Variants in HDAC9 observed in about 807,000 individuals in gnomAD.
The protein encoded by HDAC9 is MEF-2 interacting transcription repressor (MITR) protein.
In HDAC9, 41 loss-of-function variants were observed where a neutral mutation model predicts 139.4. That is an observed-to-expected ratio of 0.29 (90% CI 0.23 to 0.38). The LOEUF (loss-of-function observed/expected upper bound fraction) is 0.38. Among genes scored for constraint, HDAC9 ranks in the 10% least tolerant of loss-of-function variants. The pLI, the probability that HDAC9 is intolerant of heterozygous loss-of-function variation, is 1.00. For missense variants in HDAC9, 1,147 were observed against 1,297.0 expected, an observed-to-expected ratio of 0.88 and a Z score of 1.78; for synonymous variants, 517 against 476.2, an observed-to-expected ratio of 1.09 and a Z score of -1.12.
chr7:18,534,379 AAAC>A (rs576766281), intron 2 of HDAC9, among the ~76,000 whole-genome samples: 2 of 152,000 alleles, frequency 1.3e-5, no homozygotes, highest in South Asian at 2.1e-4. Context: ...TGTTTCTACA[AAAC>A]AACAACAACA....
At chr7:18,581,802 T>A (rs1827913997) in intron 2 of HDAC9, among the ~76,000 whole-genome samples, 1 of 152,206 alleles carries the variant, frequency 6.6e-6, no homozygotes. Context: ...GGTGCTACAA[T>A]TAAGAGATCT....
chr7:18,488,227 A>T (rs1010112052), intron 1 of HDAC9, among the ~76,000 whole-genome samples: 2 of 151,950 alleles, frequency 1.3e-5, no homozygotes, highest in South Asian at 4.1e-4. Flanking sequence ...TCAACATAGG[A>T]TGGGTTAGTC....
At chr7:18,876,456 C>G (rs1014009385) in intron 22 of HDAC9, among the ~76,000 whole-genome samples, 1 of 151,946 alleles carries the variant, frequency 6.6e-6, no homozygotes, top group African/African-American at 2.4e-5. Context: ...TTACCTTTTG[C>G]GTATTTGCAG....
chr7:18,561,661 A>T (rs1820650869), intron 2 of HDAC9, among the ~76,000 whole-genome samples: 1 of 151,792 alleles, frequency 6.6e-6, no homozygotes, highest in African/African-American at 2.4e-5. Flanking sequence ...AAATGTGCCC[A>T]TTTTTTGGAC....
At chr7:18,158,941 C>T (rs1787423813) in intron 1 of HDAC9, among the ~76,000 whole-genome samples, 1 of 152,192 alleles carries the variant, frequency 6.6e-6, no homozygotes, top group Non-Finnish European at 1.5e-5. Flanking sequence ...AACGTACTTT[C>T]AGAGAGCTGA....
At chr7:18,296,001 C>T (rs982714173) in intron 1 of HDAC9, among the ~76,000 whole-genome samples, 12 of 152,158 alleles carry the variant, frequency 7.9e-5, no homozygotes, top group Non-Finnish European at 1.6e-4. Context: ...TAGAATTTTT[C>T]TGCAGGAGAG....
chr7:18,930,516 G>GA (rs986630043), intron 22 of HDAC9, among the ~76,000 whole-genome samples: 9 of 151,942 alleles, frequency 5.9e-5, no homozygotes, highest in African/African-American at 2.2e-4. Flanking sequence ...AATATGTCCT[G>GA]AAAAATAATA....
chr7:18,477,751 A>T (rs1795227408), intron 1 of HDAC9, among the ~76,000 whole-genome samples: 1 of 152,178 alleles, frequency 6.6e-6, no homozygotes, highest in African/African-American at 2.4e-5. Flanking sequence ...TATTTATCAC[A>T]TGCGTTCATG....
rs192997979 is a variant in HDAC9 at position 18,087,579 on chromosome 7, G to A, written c.-97+366G>A. Among the ~76,000 whole-genome samples the A allele has an allele frequency of 2.6e-5, 4 of 152,250 alleles. No homozygotes were observed. The East Asian group carries it at 7.7e-4, about 29-fold the overall frequency. ...TGTACTGGCAACGTGTTGCTTGAGG[G>A]GAGCAACGCTTATTGGGGGGTACCT... is the stretch of plus-strand genomic sequence containing the variant. On this transcript the variant is annotated intron_variant, in intron 1 of 12. Coordinates refer to the HDAC9 transcript ENST00000417496.
At chr7:18,620,152 T>C (rs919157951) in intron 6 of HDAC9, among the ~76,000 whole-genome samples, 7 of 152,186 alleles carry the variant, frequency 4.6e-5, no homozygotes, top group Non-Finnish European at 5.9e-5. Flanking sequence ...TGGCACTGTA[T>C]AGGTACCTGA....
At chr7:18,778,291 G>A (rs1790952581) in intron 16 of HDAC9, among the ~76,000 whole-genome samples, 1 of 151,102 alleles carries the variant, frequency 6.6e-6, no homozygotes, top group South Asian at 2.1e-4. Flanking sequence ...ATCAATTCTG[G>A]GTAAAAAAAA....
chr7:18,921,196 C>T (rs1803686906), intron 22 of HDAC9, among the ~76,000 whole-genome samples: 1 of 152,102 alleles, frequency 6.6e-6, no homozygotes. Flanking sequence ...GTCTAAAACA[C>T]CAAAGCAATG....
chr7:18,593,809 A>ATT, intron 5 of HDAC9, 99 bp from the exon 6 acceptor site: 1 of 1,280,768 alleles, frequency 7.8e-7, no homozygotes, highest in Non-Finnish European at 1.1e-6. Flanking sequence ...GAGCATAAAC[A>ATT]TAGCTGAGGC....
chr7:18,306,964 C>T (rs964107927), intron 1 of HDAC9, among the ~76,000 whole-genome samples: 2 of 152,122 alleles, frequency 1.3e-5, no homozygotes, highest in Non-Finnish European at 2.9e-5. Flanking sequence ...GATCTCACTT[C>T]TCTCGTGGAC....
chr7:18,391,294 A>G (rs1282746877), intron 1 of HDAC9, among the ~76,000 whole-genome samples: 1 of 152,046 alleles, frequency 6.6e-6, no homozygotes, highest in East Asian at 1.9e-4. Flanking sequence ...CTGAGGCAGG[A>G]GAATCACTGG....
At chr7:18,846,900 G>T (rs1381452400) in intron 21 of HDAC9, among the ~76,000 whole-genome samples, 1 of 152,186 alleles carries the variant, frequency 6.6e-6, no homozygotes, top group Non-Finnish European at 1.5e-5. Flanking sequence ...TGGCTCTAAT[G>T]AAATCCAGAA....
chr7:18,440,325 C>A (rs1165973556), intron 1 of HDAC9, among the ~76,000 whole-genome samples: 1 of 151,988 alleles, frequency 6.6e-6, no homozygotes, highest in Non-Finnish European at 1.5e-5. Context: ...CCTGGGATTA[C>A]AGGCATGCGC....
intron 2 of HDAC9, among the ~76,000 whole-genome samples, chr7:18,210,640 T>G (rs1791874801): frequency 6.6e-6 from 1 of 152,178 alleles, no homozygotes; most frequent in Admixed American, 6.5e-5. Context: ...CTTGCTATAT[T>G]ATGTGGAACC....
At chr7:18,910,885 T>C (rs1183821085) in intron 22 of HDAC9, among the ~76,000 whole-genome samples, 1 of 151,958 alleles carries the variant, frequency 6.6e-6, no homozygotes, top group Non-Finnish European at 1.5e-5. Context: ...TCTATATTCA[T>C]TGGGGGTATG....
Sources: allele counts gnomAD v4.1 joint callset (sites outside exome capture counted in the v4.1 genomes callset), GRCh38; gene constraint gnomAD v4.1.1; transcripts MANE v1.5; gene names NCBI Gene and HGNC (gene_info 2026-07-23, HGNC 2026-07-21).